The following HS6ST3 variants were observed in gnomAD, a reference collection of about 807,000 sequenced individuals.
HS6ST3 encodes heparan sulfate 6-O-sulfotransferase 3, also known as heparan-sulfate 6-O-sulfotransferase 3.
In HS6ST3, 12 loss-of-function variants were observed where a neutral mutation model predicts 36.7. The observed-to-expected ratio is 0.33, with a 90% confidence interval of 0.21 to 0.53. The LOEUF is 0.53. Among genes scored for constraint, HS6ST3 ranks in the 20% least tolerant of loss-of-function variants. The probability of loss-of-function intolerance (pLI) is 0.95; values close to 1 mark genes in which losing one functional copy is unlikely to be tolerated. For missense variants in HS6ST3, 584 were observed against 640.9 expected (o/e 0.91, Z 0.96); for synonymous variants, 240 against 257.5 (o/e 0.93, Z 0.65).
At chr13:96,352,942 T>A (rs1471090214) in intron 1 of HS6ST3, among the ~76,000 whole-genome samples, 1 of 152,002 alleles carries the variant, frequency 6.6e-6, no homozygotes, top group African/African-American at 2.4e-5. Flanking sequence ...GGTCCCACAT[T>A]AAGTGGCAGA....
At chr13:96,814,923 T>C (rs1415338838) in intron 1 of HS6ST3, among the ~76,000 whole-genome samples, 1 of 152,246 alleles carries the variant, frequency 6.6e-6, no homozygotes, top group Admixed American at 6.5e-5. Flanking sequence ...TTCTCAAATA[T>C]TTAGTATTCT....
At position 96,090,934 on chromosome 13, in the gene HS6ST3, G is replaced by T; in HGVS notation, c.72G>T (p.Gln24His). Residue 24 changes from glutamine to histidine, a missense_variant, in exon 1 of 2, where the codon CAG becomes CAT. Coordinates refer to ENST00000376705, the MANE Select transcript of HS6ST3 (RefSeq NM_153456.4). ...TCCTCTTCGTGGTCATCATGTACCA[G>T]TACGTGTCCCCCTCCTGCACCAGCT... ...LTLLFVVIMYQYVSPSCTSSC... is the reference protein window; with the variant it reads ...LTLLFVVIMYHYVSPSCTSSC... 6.7e-7 allele frequency: 1 copy of T among 1,489,924 alleles called. No homozygotes were observed. Among genetic ancestry groups the T allele is most frequent in the East Asian group, 2.8e-5 (1 of 35,348 alleles). The allele number at this position is 1,489,924 out of a possible 1,614,324, so 92.3% of individuals were successfully genotyped here.
At chr13:96,195,826 G>A (rs1011683557) in intron 1 of HS6ST3, among the ~76,000 whole-genome samples, 12 of 152,018 alleles carry the variant, frequency 7.9e-5, no homozygotes, top group Admixed American at 2.0e-4. Context: ...TTGCCAAACC[G>A]GGATATTCTT....
At chr13:96,260,257 T>G (rs2054657719) in intron 1 of HS6ST3, among the ~76,000 whole-genome samples, 1 of 151,248 alleles carries the variant, frequency 6.6e-6, no homozygotes, top group Non-Finnish European at 1.5e-5. Context: ...CTTCCTTCCT[T>G]CCTTCCTTCC....
chr13:96,233,620 A>G (rs919716853), intron 1 of HS6ST3, among the ~76,000 whole-genome samples: 11 of 152,202 alleles, frequency 7.2e-5, no homozygotes, highest in Non-Finnish European at 1.3e-4. Flanking sequence ...GAAAACACAG[A>G]AGGAAATTGG....
chr13:96,397,218 A>G (rs112669092), intron 1 of HS6ST3, among the ~76,000 whole-genome samples: 38 of 152,268 alleles, frequency 2.5e-4, no homozygotes, highest in African/African-American at 8.9e-4. Flanking sequence ...AAGCAAAACA[A>G]AACAAAAACA....
intron 1 of HS6ST3, among the ~76,000 whole-genome samples, chr13:96,553,161 A>G (rs1401267374): frequency 2.0e-5 from 3 of 152,186 alleles, no homozygotes; most frequent in Non-Finnish European, 2.9e-5. Context: ...TTGTTTCCTT[A>G]TCTTTTCTCA....
intron 1 of HS6ST3, among the ~76,000 whole-genome samples, chr13:96,381,716 C>T (rs2055342573): frequency 6.6e-6 from 1 of 152,124 alleles, no homozygotes. Context: ...GTCTTAAGGC[C>T]TGGCTAGGAT....
In HS6ST3 at chr13:96,318,068, T is replaced by C. The variant is rs2054984935; in HGVS notation, c.707+226499T>C. 2.6e-5 allele frequency among the ~76,000 whole-genome samples: 4 copies of C among 152,334 alleles called. No individual in the cohort carries two copies. In the South Asian group the frequency reaches 8.3e-4, roughly 32 times the overall value. On this transcript the variant is annotated intron_variant, in intron 1 of 1. Coordinates refer to ENST00000376705, the MANE Select transcript of HS6ST3 (RefSeq NM_153456.4). ...CTTTAGTTTAATTAGGTTCTACTTGTAAATTTTTGTTCTTATTACAATTGC... is the reference window on the plus strand; with the variant it reads ...CTTTAGTTTAATTAGGTTCTACTTGCAAATTTTTGTTCTTATTACAATTGC...
intron 1 of HS6ST3, among the ~76,000 whole-genome samples, chr13:96,584,088 C>CAAA (rs2056352200): frequency 6.6e-6 from 1 of 152,144 alleles, no homozygotes; most frequent in Non-Finnish European, 1.5e-5. Context: ...GCACTTATGA[C>CAAA]TATCTGCATT....
At chr13:96,315,098 T>C (rs1473589752) in intron 1 of HS6ST3, among the ~76,000 whole-genome samples, 2 of 152,184 alleles carry the variant, frequency 1.3e-5, no homozygotes, top group Non-Finnish European at 2.9e-5. Context: ...AAACAGAAAG[T>C]CTTTCTTCAT....
At chr13:96,475,627 A>G (rs960498580) in intron 1 of HS6ST3, among the ~76,000 whole-genome samples, 2 of 151,802 alleles carry the variant, frequency 1.3e-5, no homozygotes, top group African/African-American at 2.4e-5. Context: ...AAAAAAAAAA[A>G]AAAGAAAAGA....
intron 1 of HS6ST3, among the ~76,000 whole-genome samples, chr13:96,202,008 T>C (rs1418376542): frequency 6.6e-6 from 1 of 152,200 alleles, no homozygotes; most frequent in Admixed American, 6.5e-5. Flanking sequence ...AAATTAAAAT[T>C]GTGATGAGTT....
chr13:96,318,283 G>A (rs2139413312), intron 1 of HS6ST3, among the ~76,000 whole-genome samples: 1 of 152,302 alleles, frequency 6.6e-6, no homozygotes, highest in Admixed American at 6.5e-5. Context: ...TGTAATCCCA[G>A]CACTTTGGGA....
chr13:96,121,917 G>A (rs73545198), intron 1 of HS6ST3, among the ~76,000 whole-genome samples: 43 of 152,086 alleles, frequency 2.8e-4, no homozygotes, highest in African/African-American at 8.7e-4. Context: ...TGAGAAAAGG[G>A]TTATCATTAC....
intron 1 of HS6ST3, among the ~76,000 whole-genome samples, chr13:96,224,434 A>T (rs2054470658): frequency 6.6e-6 from 1 of 151,834 alleles, no homozygotes; most frequent in Non-Finnish European, 1.5e-5. Context: ...TGAACCTCCT[A>T]CCTCAGCCTG....
chr13:96,616,777 A>G (rs2056475711), intron 1 of HS6ST3, among the ~76,000 whole-genome samples: 1 of 152,220 alleles, frequency 6.6e-6, no homozygotes, highest in Non-Finnish European at 1.5e-5. Context: ...TAAAGTAGAC[A>G]AAGTTGGCTA....
chr13:96,555,250 T>G (rs2050538), intron 1 of HS6ST3, among the ~76,000 whole-genome samples: 8,383 of 152,224 alleles, frequency 0.055, 294 homozygotes, highest in Middle Eastern at 0.095. Context: ...ATTAGTTTGA[T>G]TTAGGTATTT....
At chr13:96,702,048 A>G (rs76185602) in intron 1 of HS6ST3, among the ~76,000 whole-genome samples, 2,272 of 152,320 alleles carry the variant, frequency 0.015, 53 homozygotes, top group African/African-American at 0.051. Context: ...CTGCATAGAG[A>G]TGAGCACTGG....
Sources: allele counts gnomAD v4.1 joint callset (sites outside exome capture counted in the v4.1 genomes callset), GRCh38; gene constraint gnomAD v4.1.1; transcripts MANE v1.5; gene names NCBI Gene and HGNC (gene_info 2026-07-23, HGNC 2026-07-21).